Variants in GDAP2 observed in about 807,000 individuals in gnomAD.
GDAP2 encodes ganglioside induced differentiation associated protein 2.
Under a neutral mutation model 67.0 loss-of-function variants are expected in GDAP2, and 51 were observed. The observed-to-expected ratio is 0.76, with a 90% CI of 0.61 to 0.96. GDAP2 has a LOEUF of 0.96. Ranked by LOEUF, GDAP2 falls within the 40% of genes least tolerant of loss-of-function variation. GDAP2 has a pLI of 0.00. For synonymous variants in GDAP2, 203 were observed against 207.3 expected, an observed-to-expected ratio of 0.98 and a Z score of 0.18; for missense variants, 547 against 588.3, an observed-to-expected ratio of 0.93 and a Z score of 0.73.
chr1:117,884,785 G>A (rs909739885), intron 10 of GDAP2, among the ~76,000 whole-genome samples: 61 of 150,918 alleles, frequency 4.0e-4, no homozygotes, highest in African/African-American at 1.3e-3. Context: ...ACTTACTAAC[G>A]GTATAATTTT....
chr1:117,885,186 T>C (rs1648807812), intron 10 of GDAP2, among the ~76,000 whole-genome samples: 1 of 152,086 alleles, frequency 6.6e-6, no homozygotes, highest in Non-Finnish European at 1.5e-5. Flanking sequence ...TTCTTTATTA[T>C]TCTTTTTTAT....
At chr1:117,910,979 T>C (rs1649834788) in intron 5 of GDAP2, among the ~76,000 whole-genome samples, 1 of 152,232 alleles carries the variant, frequency 6.6e-6, no homozygotes, top group African/African-American at 2.4e-5. Context: ...CAGATGCTCA[T>C]CGTAGTTTAT....
intron 1 of GDAP2, among the ~76,000 whole-genome samples, chr1:117,925,464 A>G (rs1167947494): frequency 6.6e-6 from 1 of 152,170 alleles, no homozygotes; most frequent in Non-Finnish European, 1.5e-5. Context: ...AAAAGAAACA[A>G]AACAAAAAGA....
intron 6 of GDAP2, among the ~76,000 whole-genome samples, chr1:117,899,998 T>C (rs559999275): frequency 6.7e-4 from 102 of 152,186 alleles, no homozygotes; most frequent in Non-Finnish European, 1.3e-3. Flanking sequence ...GCCCATAGTA[T>C]TGCATCATCT....
intron 3 of GDAP2, among the ~76,000 whole-genome samples, chr1:117,917,143 T>C (rs1570993316): frequency 1.3e-5 from 2 of 152,322 alleles, no homozygotes; most frequent in East Asian, 1.9e-4. Context: ...TTAAACTTAC[T>C]GCAAAACTTT....
intron 5 of GDAP2, 109 bp downstream of exon 5, chr1:117,911,882 TCTC>T: frequency 1.6e-6 from 1 of 640,636 alleles, no homozygotes; most frequent in South Asian, 1.8e-5. Context: ...CTCAAGTGAT[TCTC>T]CTGCCTCAGC....
chr1:117,885,266 T>C (rs1648811869), intron 10 of GDAP2, among the ~76,000 whole-genome samples: 1 of 152,140 alleles, frequency 6.6e-6, no homozygotes, highest in African/African-American at 2.4e-5. Context: ...GCAATTAGGA[T>C]ACTCCTTTTT....
intron 1 of GDAP2, among the ~76,000 whole-genome samples, chr1:117,922,785 T>C (rs902448239): frequency 5.9e-5 from 9 of 152,250 alleles, no homozygotes; most frequent in Non-Finnish European, 1.3e-4. Flanking sequence ...TGAACTTCCA[T>C]GTCCCGCTGT....
intron 8 of GDAP2, among the ~76,000 whole-genome samples, chr1:117,891,682 T>C (rs977628956): frequency 1.3e-5 from 2 of 152,156 alleles, no homozygotes; most frequent in Non-Finnish European, 2.9e-5. Context: ...ATTCCGTAAC[T>C]TGCTTTTTAC....
chr1:117,871,878 G>A (rs1021048081), intron 13 of GDAP2, among the ~76,000 whole-genome samples: 8 of 151,956 alleles, frequency 5.3e-5, no homozygotes, highest in African/African-American at 1.4e-4. Flanking sequence ...CACAGCAAAC[G>A]AAATTATCAT....
chr1:117,891,545 T>C (rs1445739830), intron 8 of GDAP2, among the ~76,000 whole-genome samples: 1 of 152,086 alleles, frequency 6.6e-6, no homozygotes, highest in Admixed American at 6.6e-5. Flanking sequence ...CTTGATTCTA[T>C]GAGATGCCTG....
In GDAP2 at chr1:117,920,214, A is replaced by G. The variant is rs771591651; in HGVS notation, c.144T>C (p.Tyr48=). ...CCACTTTTCCATTGACGTCCTTATT[A>G]TAAAGAAAAGGTGATCGAACAGTGT... ...QEDTVRSPFL[Y]NKDVNGKVVL... Residue 48 remains tyrosine (Y), a synonymous_variant, in exon 2 of 14, where the codon TAT becomes TAC. Transcript: ENST00000369443. The G allele has an allele frequency of 6.2e-7, 1 of 1,606,752 alleles. No individual in the cohort carries two copies. The highest frequency in any genetic ancestry group is 1.1e-5 in the South Asian group (1 of 90,226).
Position 117,927,415 on chromosome 1 carries a change from A to C in GDAP2, c.-68+2033T>G, listed in dbSNP as rs369238586. ...GAAAGAAAATGATATCATTTAAGAG[A>C]GAAAAATGGTAACTTTTAACCTGTT... On this transcript the variant is annotated intron_variant, in intron 1 of 13. Coordinates refer to ENST00000369443, the MANE Select transcript of GDAP2 (RefSeq NM_017686.4). 2.7e-4 allele frequency among the ~76,000 whole-genome samples: 41 copies of C among 152,304 alleles called. No individual in the cohort carries two copies. The East Asian group carries it at 3.7e-3, about 14-fold the overall frequency.
intron 5 of GDAP2, among the ~76,000 whole-genome samples, chr1:117,911,754 T>TAAA (rs1382438697): frequency 7.4e-6 from 1 of 135,504 alleles, no homozygotes; most frequent in African/African-American, 2.7e-5. Context: ...ATTTAATGAT[T>TAAA]AAAAAAAAAA....
rs1648190486 is a variant in GDAP2 at position 117,869,730 on chromosome 1, G to A, written c.*839C>T. On this transcript the variant is annotated 3_prime_UTR_variant, in exon 14 of 14. Coordinates refer to ENST00000369443, the MANE Select transcript of GDAP2 (RefSeq NM_017686.4). ...AAATGTCCTTAGAGGTAGTAGACCTGATAGCTAAACAAAATCATTCATGAC... is the reference window on the plus strand; with the variant it reads ...AAATGTCCTTAGAGGTAGTAGACCTAATAGCTAAACAAAATCATTCATGAC... The A allele has an allele frequency of 2.0e-5, 3 of 152,648 alleles. No individual in the cohort carries two copies. The highest frequency in any genetic ancestry group is 4.4e-5 in the Non-Finnish European group (3 of 68,072). 9.5% of individuals were successfully genotyped at this position (152,648 alleles called of 1,614,324 possible). A position where few individuals can be genotyped will look rare whatever the true frequency, so the allele number is the denominator to read the frequency against.
At chr1:117,904,780 T>C (rs1649603340) in intron 6 of GDAP2, among the ~76,000 whole-genome samples, 2 of 152,206 alleles carry the variant, frequency 1.3e-5, no homozygotes, top group Non-Finnish European at 2.9e-5. Flanking sequence ...TCCTATCCTA[T>C]GAAAATGCAC....
In GDAP2 at chr1:117,872,217, T is replaced by C. The variant is rs190846845; in HGVS notation, c.1447-1601A>G. 6.4e-3 allele frequency among the ~76,000 whole-genome samples: 967 copies of C among 152,148 alleles called. 7 individuals are homozygous for C. The highest frequency in any genetic ancestry group is 0.01 in the Non-Finnish European group (712 of 67,990). ...AAATGCTGGTGACGGTACGGAGAAA[T>C]AGGAACACTTTCACACTGTTGGTGG... On this transcript the variant is annotated intron_variant, in intron 13 of 13. Transcript: ENST00000369443.
chr1:117,884,784 C>T (rs1292943459), intron 10 of GDAP2, among the ~76,000 whole-genome samples: 3 of 151,004 alleles, frequency 2.0e-5, no homozygotes, highest in African/African-American at 4.9e-5. Context: ...AACTTACTAA[C>T]GGTATAATTT....
At chr1:117,917,662 T>G (rs988044913) in intron 3 of GDAP2, among the ~76,000 whole-genome samples, 7 of 152,332 alleles carry the variant, frequency 4.6e-5, no homozygotes, top group African/African-American at 1.7e-4. Flanking sequence ...GAATCTCAGC[T>G]TGGAGATGCT....
Sources: gnomAD v4.1 joint callset for allele counts (sites outside exome capture counted in the v4.1 genomes callset) on GRCh38, gnomAD v4.1.1 for gene constraint, MANE v1.5 for transcripts, NCBI Gene and HGNC (gene_info 2026-07-23, HGNC 2026-07-21) for gene names.